The following EVPL variants were observed in gnomAD, a reference collection of about 807,000 sequenced individuals.
EVPL encodes 210 kDa cornified envelope precursor protein.
In EVPL, 94 loss-of-function variants were observed where a neutral mutation model predicts 129.7. The observed-to-expected ratio is 0.72, with a 90% confidence interval of 0.61 to 0.86. The LOEUF (loss-of-function observed/expected upper bound fraction) is 0.86. Ranked by LOEUF, EVPL falls within the 40% of genes least tolerant of loss-of-function variation. The pLI is 0.00. For synonymous variants in EVPL, 1,172 were observed against 1,191.1 expected, an observed-to-expected ratio of 0.98 and a Z score of 0.33; for missense variants, 2,625 against 2,721.1, an observed-to-expected ratio of 0.96 and a Z score of 0.79.
chr17:76,008,924 C>T lies in EVPL; in HGVS notation c.4281G>A (p.Glu1427=). The part of the protein sequence containing the change: ...EEQEGLLSFQ[E]DRSKKLAVER... ...CCACGGCCAGCTTCTTGCTGCGGTC[C>T]TCCTGGAAGCTGAGCAGGCCCTCCT... The change falls in exon 22 of 22, where the codon GAG becomes GAA. Residue 1427 remains glutamate (E), a synonymous_variant. Transcript: ENST00000301607. The surrounding 1 kb of genome is among the most constrained non-coding windows in gnomAD (Gnocchi z 7.4). 6.2e-7 allele frequency: 1 copy of T among 1,612,956 alleles called. No homozygotes were observed. The highest frequency in any genetic ancestry group is 8.5e-7 in the Non-Finnish European group (1 of 1,180,010).
chr17:76,012,310 C>CG (rs1555624390), intron 18 of EVPL: 4 of 356,034 alleles, frequency 1.1e-5, no homozygotes, highest in African/African-American at 9.1e-5. Flanking sequence ...CCTTTCTTTC[C>CG]TTTTTTTTTT....
intron 1 of EVPL, 146 bp downstream of exon 1, chr17:76,026,955 G>A: frequency 3.6e-6 from 2 of 556,932 alleles, no homozygotes; most frequent in Non-Finnish European, 6.2e-6. Flanking sequence ...GTCCATCCCT[G>A]GGCCCTTTGG....
In EVPL at chr17:76,007,124, G is replaced by A. The variant is rs550695279; in HGVS notation, c.6081C>T (p.Thr2027=). 1.2e-5 allele frequency: 18 copies of A among 1,485,786 alleles called. No individual in the cohort carries two copies. The highest frequency in any genetic ancestry group is 6.9e-5 in the East Asian group (3 of 43,508). The allele number at this position is 1,485,786 out of a possible 1,614,324, so 92.0% of individuals were successfully genotyped here. The change falls in exon 22 of 22, where the codon ACC becomes ACT. Residue 2027 remains threonine (T), a synonymous_variant. Transcript: ENST00000301607. The surrounding 1 kb of genome is among the most constrained non-coding windows in gnomAD (Gnocchi z 8.8). ...CGTGTCAGCGAAGGGAGCGCGGGACGGTGGGGGAGGCGGAGCGGTAGCAGC... is the reference window on the plus strand; with the variant it reads ...CGTGTCAGCGAAGGGAGCGCGGGACAGTGGGGGAGGCGGAGCGGTAGCAGC... ...GYRCYRSASP[T]VPRSLR
rs1037783487 is a variant in EVPL, at chr17:76,024,571, G to A, written c.99-451C>T. ...GCATGTCCCCCATCCCCACCTCCTC[G>A]CACTCCAGCCCTGTGTTCCCCTATA... is the stretch of plus-strand genomic sequence containing the variant. On this transcript the variant is annotated intron_variant, in intron 1 of 21. Transcript: ENST00000301607. The surrounding 1 kb of genome is among the most constrained non-coding windows in gnomAD (Gnocchi z 4.5). 1.3e-5 allele frequency among the ~76,000 whole-genome samples: 2 copies of A among 152,002 alleles called. No homozygotes were observed. Among genetic ancestry groups the A allele is most frequent in the Non-Finnish European group, 2.9e-5 (2 of 67,976 alleles).
At position 76,027,139 on chromosome 17, in the gene EVPL, G is replaced by A; in HGVS notation, c.60C>T (p.Ala20=). Residue 20 remains alanine, a synonymous_variant, in exon 1 of 22, where the codon GCC becomes GCT. Transcript: ENST00000301607. The stretch of plus-strand genomic sequence containing the variant: ...TGGGGGAGCCTTTGGGGGACCCCTT[G>A]GCGGGGGAGCCCTTGGGGGACCCCT... ...QGKGSPKGSP[A]KGSPKGSPSR... 1 of 1,555,588 alleles carries A rather than the reference G, an allele frequency of 6.4e-7. No homozygotes were observed. Among genetic ancestry groups the A allele is most frequent in the Non-Finnish European group, 8.6e-7 (1 of 1,157,558 alleles).
Position 76,010,560 on chromosome 17 carries a change from G to C in EVPL, c.2662-17C>G. The C allele has an allele frequency of 6.2e-7, 1 of 1,602,288 alleles. No homozygotes were observed. The highest frequency in any genetic ancestry group is 8.5e-7 in the Non-Finnish European group (1 of 1,174,058). On this transcript the variant is annotated splice_polypyrimidine_tract_variant and intron_variant, in intron 21 of 21. Coordinates refer to ENST00000301607, the MANE Select transcript of EVPL (RefSeq NM_001988.4). ...GAGCTCCTTCTGCAGAGAGGAAGAAGGGTAGAGCACGGGGTGGGCGGTAGA... is the reference window on the plus strand; with the variant it reads ...GAGCTCCTTCTGCAGAGAGGAAGAACGGTAGAGCACGGGGTGGGCGGTAGA...
At position 76,013,130 on chromosome 17, in the gene EVPL, G is replaced by A. The variant is rs2665993; in HGVS notation, c.2374-1041C>T. On this transcript the variant is annotated intron_variant, in intron 18 of 21. Coordinates refer to ENST00000301607, the MANE Select transcript of EVPL (RefSeq NM_001988.4). The surrounding 1 kb of genome is among the most constrained non-coding windows in gnomAD (Gnocchi z 4.3). ...GCTCCAATTGGAAAGTTCTCAATAC[G>A]GGATGCCCACTTTTATTCACCTGGG... Among the ~76,000 whole-genome samples the A allele has an allele frequency of 0.62, 93,734 of 152,056 alleles. 29,360 individuals carry two copies. Among genetic ancestry groups the A allele is most frequent in the South Asian group, 0.72 (3,465 of 4,820 alleles).
In EVPL at chr17:76,009,408, A is replaced by G; in HGVS notation, c.3797T>C (p.Val1266Ala). The change falls in exon 22 of 22, where the codon GTG becomes GCG. Residue 1266 changes from valine (V) to alanine (A), a missense_variant. Physicochemically the swap from Val to Ala is moderately conservative, Grantham distance 64. Around this residue, in one of 4 missense-constraint regions of EVPL, gnomAD observed 1,453 missense variants for 1,511.8 expected, o/e 0.96. Coordinates refer to ENST00000301607, the MANE Select transcript of EVPL (RefSeq NM_001988.4). The surrounding 1 kb of genome is among the most constrained non-coding windows in gnomAD (Gnocchi z 5.9). ...EVVRHERSPE[V>A]LREIDRLKAQ... ...CTTCAGGCGGTCGATCTCACGCAGC[A>G]CCTCGGGGCTCCTCTCATGCCTCAC... 6.2e-7 allele frequency: 1 copy of G among 1,613,866 alleles called. No individual in the cohort carries two copies. The highest frequency in any genetic ancestry group is 8.5e-7 in the Non-Finnish European group (1 of 1,179,972).
intron 14 of EVPL, 77 bp from the exon 15 acceptor site, chr17:76,015,705 C>CCTAAGATTCTCCAG: frequency 6.8e-7 from 1 of 1,461,564 alleles, no homozygotes; most frequent in Non-Finnish European, 9.2e-7. Context: ...CCTAACTCTG[C>CCTAAGATTCTCCAG]GCCCATGGAG....
In EVPL at chr17:76,027,097, T is replaced by G. The variant is rs796108823; in HGVS notation, c.98+4A>C. The G allele has an allele frequency of 5.4e-6, 8 of 1,467,980 alleles. No individual in the cohort carries two copies. In the African/African-American group the frequency reaches 1.2e-4, roughly 21 times the overall value. The allele number at this position is 1,467,980 out of a possible 1,614,324, so 90.9% of individuals were successfully genotyped here. On this transcript the variant is annotated splice_donor_region_variant and intron_variant, in intron 1 of 21. Coordinates refer to ENST00000301607, the MANE Select transcript of EVPL (RefSeq NM_001988.4). ...CCGGCTCCCCATCCCCCAGTCCCAC[T>G]TACCGGCTGTGCCTGCTGGGGGAGC...
Position 76,008,450 on chromosome 17 carries a change from C to A in EVPL, c.4755G>T (p.Arg1585=). The A allele has an allele frequency of 6.3e-7, 1 of 1,593,120 alleles. No individual in the cohort carries two copies. The change falls in exon 22 of 22, where the codon CGG becomes CGT. Residue 1585 remains arginine, a synonymous_variant. Coordinates refer to ENST00000301607, the MANE Select transcript of EVPL (RefSeq NM_001988.4). This position sits in a 1 kb window ranked among gnomAD's most constrained non-coding sequence, Gnocchi z 7.4. ...SREESELQRA[R]DQADQECGRL... ...GCCCACACTCCTGGTCGGCCTGGTC[C>A]CGGGCCCTCTGCAGCTCGGACTCCT...
At chr17:76,026,299 C>T (rs1293963483) in intron 1 of EVPL, among the ~76,000 whole-genome samples, 2 of 149,760 alleles carry the variant, frequency 1.3e-5, no homozygotes, top group African/African-American at 4.9e-5. Flanking sequence ...GGCGGGAGCG[C>T]AGGGGTGTGA....
In EVPL at chr17:76,007,601, G is replaced by C; in HGVS notation, c.5604C>G (p.Ile1868Met). 6.2e-7 allele frequency: 1 copy of C among 1,613,958 alleles called. No homozygotes were observed. Among genetic ancestry groups the C allele is most frequent in the South Asian group, 1.1e-5 (1 of 91,086 alleles). The change falls in exon 22 of 22, where the codon ATC (isoleucine) becomes ATG (methionine). Residue 1868 changes from isoleucine to methionine, a missense_variant. Coordinates refer to ENST00000301607, the MANE Select transcript of EVPL (RefSeq NM_001988.4). The surrounding 1 kb of genome is among the most constrained non-coding windows in gnomAD (Gnocchi z 8.8). Reference protein sequence around the residue: ...LLEAQAATGGIVDLLSRERYS... With the variant: ...LLEAQAATGGMVDLLSRERYS... ...AGCGCTCACGGCTGAGCAGGTCCAC[G>C]ATGCCCCCTGTGGCCGCCTGGGCCT...
intron 14 of EVPL, 48 bp downstream of exon 14, chr17:76,017,691 G>A: frequency 6.3e-7 from 1 of 1,587,070 alleles, no homozygotes; most frequent in East Asian, 2.2e-5. Flanking sequence ...TGAGCACCAG[G>A]GCCGGGCCGC....
intron 12 of EVPL, 75 bp from the exon 13 acceptor site, chr17:76,018,333 T>C: frequency 2.0e-6 from 3 of 1,517,158 alleles, no homozygotes; most frequent in Non-Finnish European, 2.7e-6. Flanking sequence ...TAGACGCAGC[T>C]TCAGGTGAAG....
At chr17:76,012,992 C>T (rs1479707767) in intron 18 of EVPL, among the ~76,000 whole-genome samples, 1 of 152,138 alleles carries the variant, frequency 6.6e-6, no homozygotes, top group Non-Finnish European at 1.5e-5. Context: ...GATCCGCCCG[C>T]CTTGGCCTCC....
chr17:76,018,037 A>G (rs2066430159), intron 13 of EVPL, 124 bp downstream of exon 13: 1 of 1,532,108 alleles, frequency 6.5e-7, no homozygotes, highest in Non-Finnish European at 8.8e-7. Flanking sequence ...GCCACCCCAG[A>G]GATGAAATCC....
Position 76,008,997 on chromosome 17 carries a change from C to T in EVPL, c.4208G>A (p.Arg1403His), listed in dbSNP as rs761584250. The T allele has an allele frequency of 3.1e-6, 5 of 1,611,922 alleles. No individual in the cohort carries two copies. Among genetic ancestry groups the T allele is most frequent in the South Asian group, 1.1e-5 (1 of 91,066 alleles). ...GSLDEEVGRR[R>H]QLELEVQQLR... Reference sequence around the variant, plus strand: ...CTGCTGCACCTCAAGCTCTAGCTGGCGCCGCCGGCCCACCTCCTCATCCAG... The same window carrying T: ...CTGCTGCACCTCAAGCTCTAGCTGGTGCCGCCGGCCCACCTCCTCATCCAG... Residue 1403 changes from arginine (R) to histidine (H), a missense_variant, in exon 22 of 22, where the codon CGC (arginine) becomes CAC (histidine). Around this residue, in one of 4 missense-constraint regions of EVPL, gnomAD observed 1,453 missense variants for 1,511.8 expected, o/e 0.96. Coordinates refer to ENST00000301607, the MANE Select transcript of EVPL (RefSeq NM_001988.4). This position sits in a 1 kb window ranked among gnomAD's most constrained non-coding sequence, Gnocchi z 7.4.
In EVPL at chr17:76,024,108, C is replaced by T; in HGVS notation, c.111G>A (p.Gln37=). 1 of 1,613,662 alleles carries T rather than the reference C, an allele frequency of 6.2e-7. No homozygotes were observed. The highest frequency in any genetic ancestry group is 8.5e-7 in the Non-Finnish European group (1 of 1,179,902). ...SPSRHSRAAT[Q]ELALLISRMQ... ...TGCGGGAGATGAGAAGGGCCAGCTC[C>T]TGGGTGGCAGCCCTAGTGTGTGGAG... The change falls in exon 2 of 22, where the codon CAG becomes CAA. Residue 37 remains glutamine, a synonymous_variant. Transcript: ENST00000301607. This position sits in a 1 kb window ranked among gnomAD's most constrained non-coding sequence, Gnocchi z 4.5.
Sources: gnomAD v4.1 joint callset for allele counts (sites outside exome capture counted in the v4.1 genomes callset) on GRCh38, gnomAD v4.1.1 for gene constraint, gnomAD v4.1.1 regional missense constraint, Gnocchi (gnomAD v3.1) non-coding constraint, MANE v1.5 for transcripts, NCBI Gene and HGNC (gene_info 2026-07-23, HGNC 2026-07-21) for gene names.